Variants in ITGA8 observed in about 807,000 individuals in gnomAD.
ITGA8 encodes the protein integrin alpha-8.
ITGA8 carries 91 observed loss-of-function variants against 142.3 expected under a neutral mutation model. The observed-to-expected ratio is 0.64, with a 90% CI of 0.54 to 0.76. ITGA8 has a LOEUF of 0.76. Among genes scored for constraint, ITGA8 ranks in the 30% least tolerant of loss-of-function variants. The pLI is 0.00. For synonymous variants in ITGA8, 505 were observed against 485.2 expected, an observed-to-expected ratio of 1.04 and a Z score of -0.54; for missense variants, 1,406 against 1,327.7, an observed-to-expected ratio of 1.06 and a Z score of -0.92.
At chr10:15,660,819 C>T in intron 9 of ITGA8, 60 bp downstream of exon 9, 2 of 1,325,350 alleles carry the variant, frequency 1.5e-6, no homozygotes, top group Non-Finnish European at 2.2e-6. Context: ...GATGTAATTC[C>T]ATCAAGGAGC....
intron 4 of ITGA8, 126 bp downstream of exon 4, chr10:15,683,878 T>C: frequency 9.5e-7 from 1 of 1,051,398 alleles, no homozygotes. Context: ...AATCTTTACC[T>C]ACCCCCGAAG....
Position 15,693,781 on chromosome 10 carries a change from G to T in ITGA8, c.344-5743C>A, listed in dbSNP as rs113993727. Among the ~76,000 whole-genome samples, 261 of 152,260 alleles carry T rather than the reference G, an allele frequency of 1.7e-3. 1 individual carries two copies. The highest frequency in any genetic ancestry group is 2.5e-3 in the Non-Finnish European group (167 of 68,014). On this transcript the variant is annotated intron_variant, in intron 2 of 29. Coordinates refer to ENST00000378076, the MANE Select transcript of ITGA8 (RefSeq NM_003638.3). ...CACAGGTGGTCATAAAGTCACGAAG[G>T]TTCCATGAGATAAGTGATCGTGAAA...
At chr10:15,647,107 G>A (rs1833996418) in intron 11 of ITGA8, 56 bp from the exon 12 acceptor site, 2 of 1,364,530 alleles carry the variant, frequency 1.5e-6, no homozygotes, top group Non-Finnish European at 2.1e-6. Flanking sequence ...AGTCACTTTG[G>A]GTTATTTGTA....
chr10:15,701,441 T>C (rs1835161814), intron 2 of ITGA8, among the ~76,000 whole-genome samples: 1 of 152,200 alleles, frequency 6.6e-6, no homozygotes, highest in African/African-American at 2.4e-5. Flanking sequence ...TCATCCTCCA[T>C]TTCTGGCCTT....
intron 2 of ITGA8, among the ~76,000 whole-genome samples, chr10:15,693,175 A>G (rs1230992841): frequency 1.3e-5 from 2 of 152,250 alleles, no homozygotes; most frequent in African/African-American, 4.8e-5. Flanking sequence ...AGTTTTAACT[A>G]GAGCTTTATC....
chr10:15,555,842 C>T (rs1429546564), intron 26 of ITGA8, among the ~76,000 whole-genome samples: 2 of 151,644 alleles, frequency 1.3e-5, no homozygotes, highest in Non-Finnish European at 1.5e-5. Context: ...ACTACAGGCA[C>T]CCACCACCAC....
intron 20 of ITGA8, among the ~76,000 whole-genome samples, chr10:15,600,477 G>C (rs567752740): frequency 9.9e-5 from 15 of 152,188 alleles, no homozygotes; most frequent in Non-Finnish European, 2.2e-4. Context: ...GAGGAGAAAC[G>C]GCTGGAACAA....
intron 17 of ITGA8, among the ~76,000 whole-genome samples, chr10:15,607,127 A>G (rs1042239610): frequency 1.8e-4 from 27 of 152,176 alleles, no homozygotes; most frequent in Non-Finnish European, 2.9e-5. Context: ...AGAAATTGAG[A>G]CAGTTATCAC....
intron 2 of ITGA8, among the ~76,000 whole-genome samples, chr10:15,694,149 A>G (rs1038510118): frequency 9.6e-5 from 14 of 145,536 alleles, no homozygotes; most frequent in Non-Finnish European, 1.6e-4. Context: ...AATATATCAT[A>G]TATCAGATAA....
intron 21 of ITGA8, among the ~76,000 whole-genome samples, chr10:15,595,865 A>C (rs1199812505): frequency 1.3e-5 from 2 of 152,140 alleles, no homozygotes; most frequent in Non-Finnish European, 2.9e-5. Context: ...CAGGAGTTCG[A>C]GACCAGCCTG....
At chr10:15,650,170 C>T (rs1450303750) in intron 11 of ITGA8, among the ~76,000 whole-genome samples, 1 of 152,000 alleles carries the variant, frequency 6.6e-6, no homozygotes, top group African/African-American at 2.4e-5. Context: ...GTTAAAGAAG[C>T]CAATCTGAAA....
chr10:15,662,035 A>G (rs1255630039), intron 8 of ITGA8, among the ~76,000 whole-genome samples: 1 of 152,204 alleles, frequency 6.6e-6, no homozygotes, highest in African/African-American at 2.4e-5. Flanking sequence ...AAACATGGCA[A>G]CCACAACTTT....
intron 13 of ITGA8, among the ~76,000 whole-genome samples, chr10:15,636,420 T>C (rs931396150): frequency 5.9e-5 from 9 of 152,226 alleles, no homozygotes; most frequent in African/African-American, 2.2e-4. Flanking sequence ...TATGACTCTA[T>C]GTAGTGTGTG....
chr10:15,571,697 G>T (rs1187448819), intron 25 of ITGA8, among the ~76,000 whole-genome samples: 1 of 152,140 alleles, frequency 6.6e-6, no homozygotes. Context: ...GAAAAGCACG[G>T]CTCTAGGCTT....
At chr10:15,533,696 T>A (rs548315072) in intron 27 of ITGA8, among the ~76,000 whole-genome samples, 128 of 152,344 alleles carry the variant, frequency 8.4e-4, no homozygotes, top group African/African-American at 2.9e-3. Context: ...CATCTCTGCA[T>A]CAAAATCTTT....
At chr10:15,604,545 T>A (rs543429434) in intron 19 of ITGA8, among the ~76,000 whole-genome samples, 190 bp from the exon 20 acceptor site, 1 of 135,028 alleles carries the variant, frequency 7.4e-6, no homozygotes, top group Non-Finnish European at 1.5e-5. Context: ...AAACACCCAG[T>A]AGTGTGTTGG....
At chr10:15,669,009 T>G (rs1834453689) in intron 8 of ITGA8, among the ~76,000 whole-genome samples, 1 of 152,208 alleles carries the variant, frequency 6.6e-6, no homozygotes, top group African/African-American at 2.4e-5. Context: ...GGAGTTACTC[T>G]TCTGGAGGAG....
intron 28 of ITGA8, among the ~76,000 whole-genome samples, chr10:15,519,856 G>T (rs926317633): frequency 5.3e-5 from 8 of 152,052 alleles, no homozygotes; most frequent in Non-Finnish European, 1.0e-4. Context: ...ATGAATCCTT[G>T]GATGTGCAAG....
intron 11 of ITGA8, among the ~76,000 whole-genome samples, chr10:15,648,661 G>A (rs1046106303): frequency 3.9e-5 from 6 of 151,930 alleles, no homozygotes; most frequent in Non-Finnish European, 7.4e-5. Flanking sequence ...GATGAGGTGG[G>A]AACAGTTACT....
Sources: allele counts gnomAD v4.1 joint callset (sites outside exome capture counted in the v4.1 genomes callset), GRCh38; gene constraint gnomAD v4.1.1; transcripts MANE v1.5; gene names NCBI Gene and HGNC (gene_info 2026-07-23, HGNC 2026-07-21).